The following IL16 variants were observed in gnomAD, a reference collection of about 807,000 sequenced individuals.
IL16 encodes interleukin 16.
A neutral mutation model predicts 110.1 loss-of-function variants in IL16; 67 were observed. The observed-to-expected ratio is 0.61, with a 90% CI of 0.50 to 0.75. The LOEUF is 0.75. Ranked by LOEUF, IL16 falls within the 30% of genes least tolerant of loss-of-function variation. The probability of loss-of-function intolerance (pLI) is 0.00; values close to 1 mark genes in which losing one functional copy is unlikely to be tolerated. For synonymous variants in IL16, 689 were observed against 662.9 expected (o/e 1.04, Z -0.61); for missense variants, 1,545 against 1,655.0 (o/e 0.93, Z 1.15).
intron 3 of IL16, among the ~76,000 whole-genome samples, chr15:81,264,422 A>G (rs1898285288): frequency 6.6e-6 from 1 of 152,072 alleles, no homozygotes; most frequent in Admixed American, 6.5e-5. Context: ...CCTCAGAGAT[A>G]CCACTCCTCT....
At chr15:81,195,609 C>T (rs749822206), upstream of IL16, among the ~76,000 whole-genome samples, 6 of 152,160 alleles carry the variant, frequency 3.9e-5, no homozygotes, top group Admixed American at 1.3e-4. Flanking sequence ...CCAGCAGCAG[C>T]GGCTAGATCT....
At chr15:81,251,746 C>G (rs1215684407) in intron 2 of IL16, among the ~76,000 whole-genome samples, 2 of 152,038 alleles carry the variant, frequency 1.3e-5, no homozygotes. Context: ...TTCAAAAATC[C>G]CACTGGAACT....
rs1246092437 is a variant in IL16 at position 81,218,897 on chromosome 15, G to GT, written c.-101-6396dup. 2.6e-5 allele frequency among the ~76,000 whole-genome samples: 4 copies of GT among 151,240 alleles called. No individual in the cohort carries two copies. The East Asian group carries it at 7.8e-4, about 29-fold the overall frequency. On this transcript the variant is annotated intron_variant, in intron 1 of 18. Transcript: ENST00000683961. ...AAATCTCCCATTCATATACATTTAG[G>GT]TTTTTTCTCCTCTTTTACTGTTTTT...
At position 81,313,172 on chromosome 15, in the gene IL16, C is replaced by A. The variant is rs539214117; in HGVS notation, c.*4374C>A. 3.5e-6 allele frequency: 5 copies of A among 1,420,264 alleles called. No homozygotes were observed. In the East Asian group the frequency reaches 8.0e-5, roughly 23 times the overall value. 88.0% of individuals were successfully genotyped at this position (1,420,264 alleles called of 1,614,324 possible). A position where few individuals can be genotyped will look rare whatever the true frequency, so the allele number is the denominator to read the frequency against. On this transcript the variant is annotated 3_prime_UTR_variant, in exon 19 of 19. Transcript: ENST00000683961. ...TCCAAAGAGTGAACACAGGCCTCTGCGTGCTCCCAGGCTCCTTGGTGTCCC... is the reference window on the plus strand; with the variant it reads ...TCCAAAGAGTGAACACAGGCCTCTGAGTGCTCCCAGGCTCCTTGGTGTCCC...
Position 81,238,194 on chromosome 15 carries a change from G to A in IL16, c.312+12483G>A, listed in dbSNP as rs570117220. 1.1e-4 allele frequency among the ~76,000 whole-genome samples: 16 copies of A among 152,268 alleles called. 1 individual carries two copies. The East Asian group carries it at 1.2e-3, about 11-fold the overall frequency. Reference sequence around the variant, plus strand: ...TGGGATTACAGGCGTGAGCCACTGCGCCCGGCCTAGTCTCTGTATTTTAAC... The same window carrying A: ...TGGGATTACAGGCGTGAGCCACTGCACCCGGCCTAGTCTCTGTATTTTAAC... On this transcript the variant is annotated intron_variant, in intron 2 of 18. Coordinates refer to ENST00000683961, the MANE Select transcript of IL16 (RefSeq NM_172217.5).
In IL16 at chr15:81,312,001, C is replaced by T. The variant is rs1348859134; in HGVS notation, c.*3203C>T. The T allele has an allele frequency of 2.6e-5, 4 of 152,164 alleles. No individual in the cohort carries two copies. The highest frequency in any genetic ancestry group is 4.8e-5 in the African/African-American group (2 of 41,424). The allele number at this position is 152,164 out of a possible 1,614,324, so 9.4% of individuals were successfully genotyped here. ...GGAAGTAACAGTAACGCAGGGGAAA[C>T]GTTTTCTGTTTGGAGGAGCAAAGGC... On this transcript the variant is annotated 3_prime_UTR_variant, in exon 19 of 19. Coordinates refer to ENST00000683961, the MANE Select transcript of IL16 (RefSeq NM_172217.5).
intron 2 of IL16, among the ~76,000 whole-genome samples, chr15:81,249,361 T>G (rs1052777344): frequency 1.3e-5 from 2 of 152,170 alleles, no homozygotes; most frequent in Non-Finnish European, 2.9e-5. Context: ...AAAAAATATT[T>G]TTGGAATTTC....
upstream of IL16, among the ~76,000 whole-genome samples, chr15:81,193,278 G>C (rs1895527015): frequency 1.3e-5 from 2 of 152,132 alleles, no homozygotes; most frequent in African/African-American, 4.8e-5. Flanking sequence ...GGGGAATCAA[G>C]AGTACTGTTG....
chr15:81,224,383 A>G (rs1230841724), intron 1 of IL16, among the ~76,000 whole-genome samples: 2 of 152,144 alleles, frequency 1.3e-5, no homozygotes, highest in Non-Finnish European at 2.9e-5. Context: ...GGCTCCTTTC[A>G]CCACCTGCTT....
At chr15:81,194,902 C>T (rs187233429), upstream of IL16, among the ~76,000 whole-genome samples, 1 of 152,276 alleles carries the variant, frequency 6.6e-6, no homozygotes, top group Admixed American at 6.5e-5. Context: ...GGTTGAGCTT[C>T]AAGTGGTGCT....
rs181629958 is a variant in IL16 at position 81,229,861 on chromosome 15, C to T, written c.312+4150C>T. Among the ~76,000 whole-genome samples, 117 of 152,266 alleles carry T rather than the reference C, an allele frequency of 7.7e-4. 1 individual carries two copies. The highest frequency in any genetic ancestry group is 3.4e-3 in the Middle Eastern group (1 of 294). On this transcript the variant is annotated intron_variant, in intron 2 of 18. Coordinates refer to ENST00000683961, the MANE Select transcript of IL16 (RefSeq NM_172217.5). ...GCAGGCTCCAGCAATGCCATGGTTA[C>T]ACTGATTTCAAAACAACATCTGGAA...
In IL16 at chr15:81,292,232, G is replaced by A. The variant is rs1199963395; in HGVS notation, c.1421-324G>A. The stretch of plus-strand genomic sequence containing the variant: ...GTCTGCAGCTGTGGCAGCCCCTGGA[G>A]GGACCCACAGCTGAAAGTAGTCTGC... On this transcript the variant is annotated intron_variant, in intron 11 of 18. Transcript: ENST00000683961. The A allele has an allele frequency of 1.0e-5, 4 of 399,474 alleles. No homozygotes were observed. The Admixed American group carries it at 1.4e-4, about 14-fold the overall frequency. 24.7% of individuals were successfully genotyped at this position (399,474 alleles called of 1,614,324 possible). A position where few individuals can be genotyped will look rare whatever the true frequency, so the allele number is the denominator to read the frequency against.
At chr15:81,299,277 T>G in intron 13 of IL16, 103 bp from the exon 14 acceptor site, 1 of 1,592,022 alleles carries the variant, frequency 6.3e-7, no homozygotes, top group South Asian at 1.1e-5. Flanking sequence ...GCTAATCTCC[T>G]CCTCTTGAAT....
chr15:81,303,144 A>G lies in IL16; in HGVS notation c.3319-405A>G, dbSNP rs985190457. The G allele has an allele frequency of 1.2e-5, 2 of 166,562 alleles. No individual in the cohort carries two copies. Among genetic ancestry groups the G allele is most frequent in the African/African-American group, 4.8e-5 (2 of 41,362 alleles). The allele number at this position is 166,562 out of a possible 1,614,324, so 10.3% of individuals were successfully genotyped here. A position where few individuals can be genotyped will look rare whatever the true frequency, so the allele number is the denominator to read the frequency against. ...AGTAGAAGGGAAGAAGGAGCAACCA[A>G]TTCCTGCAGAACAGCACTGACCCCT... On this transcript the variant is annotated intron_variant, in intron 15 of 18. Transcript: ENST00000683961. This position sits in a 1 kb window ranked among gnomAD's most constrained non-coding sequence, Gnocchi z 4.1.
At position 81,265,772 on chromosome 15, in the gene IL16, C is replaced by A. The variant is rs1228643902; in HGVS notation, c.535C>A (p.Gln179Lys). 5 of 1,613,544 alleles carry A rather than the reference C, an allele frequency of 3.1e-6. No individual in the cohort carries two copies. In the South Asian group the frequency reaches 5.5e-5, roughly 18 times the overall value. The change falls in exon 4 of 19, where the codon CAA becomes AAA. Residue 179 changes from glutamine to lysine, a missense_variant. Transcript: ENST00000683961. ...CAGTAACAGGAAGTCCCTCTCTCAA[C>A]AATTGGACTGTCCAGCAGGAAAGGC... ...LCSNRKSLSQ[Q>K]LDCPAGKAAG...
At position 81,303,582 on chromosome 15, in the gene IL16, A is replaced by G. The variant is rs1567047231; in HGVS notation, c.3352A>G (p.Lys1118Glu). 6.2e-7 allele frequency: 1 copy of G among 1,613,874 alleles called. No individual in the cohort carries two copies. The change falls in exon 16 of 19, where the codon AAG becomes GAG. Residue 1118 changes from lysine to glutamate, a missense_variant. Transcript: ENST00000683961. The surrounding 1 kb of genome is among the most constrained non-coding windows in gnomAD (Gnocchi z 4.1). ...CGGCATCCATGTCACCATCTTACACAAGGAGGAAGGTGCTGGTCTTGGGTT... is the reference window on the plus strand; with the variant it reads ...CGGCATCCATGTCACCATCTTACACGAGGAGGAAGGTGCTGGTCTTGGGTT... ...LDGIHVTILH[K>E]EEGAGLGFSL... is the part of the protein sequence containing the mutation.
intron 7 of IL16, 149 bp from the exon 8 acceptor site, chr15:81,279,409 C>G: frequency 1.6e-6 from 1 of 611,430 alleles, no homozygotes; most frequent in Non-Finnish European, 2.9e-6. Context: ...ACAAATATGT[C>G]ATAATATAAT....
At chr15:81,267,934 A>C (rs1338747758) in intron 4 of IL16, among the ~76,000 whole-genome samples, 6 of 152,322 alleles carry the variant, frequency 3.9e-5, no homozygotes, top group African/African-American at 1.4e-4. Context: ...ATAGACACAC[A>C]CAGAATAATG....
intron 8 of IL16, among the ~76,000 whole-genome samples, chr15:81,281,358 C>A (rs1345078841): frequency 6.6e-6 from 1 of 152,230 alleles, no homozygotes; most frequent in Non-Finnish European, 1.5e-5. Flanking sequence ...CCTCGTTTTC[C>A]AGGCGTTTCC....
Sources: allele counts gnomAD v4.1 joint callset (sites outside exome capture counted in the v4.1 genomes callset), GRCh38; gene constraint gnomAD v4.1.1; non-coding constraint Gnocchi (gnomAD v3.1); transcripts MANE v1.5; gene names NCBI Gene and HGNC (gene_info 2026-07-23, HGNC 2026-07-21).